Variants in PPIL6 observed in about 807,000 individuals in gnomAD.
PPIL6 encodes the protein probable inactive peptidyl-prolyl cis-trans isomerase-like 6.
PPIL6 carries 39 observed loss-of-function variants against 36.8 expected under a neutral mutation model. That is an observed-to-expected ratio of 1.06 (90% CI 0.82 to 1.38). PPIL6 has a LOEUF of 1.38. Ranked by LOEUF, PPIL6 falls within the 40% of genes most tolerant of loss-of-function variation. The pLI, the probability that PPIL6 is intolerant of heterozygous loss-of-function variation, is 0.00. For missense variants in PPIL6, 368 were observed against 379.1 expected (o/e 0.97, Z 0.24); for synonymous variants, 123 against 134.1 (o/e 0.92, Z 0.57).
At position 109,419,209 on chromosome 6, in the gene PPIL6, C is replaced by T. The variant is rs373518923; in HGVS notation, c.666G>A (p.Ser222=). Reference sequence around the variant, plus strand: ...TACCTTCAAATGTTGGACCATAAATCGACTCTCCATTATCTCCTTTTCCAT... The same window carrying T: ...TACCTTCAAATGTTGGACCATAAATTGACTCTCCATTATCTCCTTTTCCAT... The part of the protein sequence containing the change: ...IVYGKGDNGE[S]IYGPTFEDEN... The change falls in exon 6 of 8, where the codon TCG becomes TCA. Residue 222 remains serine, a synonymous_variant. Transcript: ENST00000521072. 1.0e-5 allele frequency: 16 copies of T among 1,566,092 alleles called. No individual in the cohort carries two copies. Among genetic ancestry groups the T allele is most frequent in the Admixed American group, 1.0e-4 (6 of 59,776 alleles).
intron 6 of PPIL6, among the ~76,000 whole-genome samples, chr6:109,416,194 T>C (rs779656654): frequency 3.5e-5 from 5 of 144,132 alleles, no homozygotes; most frequent in African/African-American, 1.3e-4. Context: ...TAAATGTCTT[T>C]TGTGGCTTTT....
intron 7 of PPIL6, among the ~76,000 whole-genome samples, chr6:109,396,021 G>C (rs1273660492): frequency 6.6e-6 from 1 of 151,756 alleles, no homozygotes; most frequent in Non-Finnish European, 1.5e-5. Flanking sequence ...TTTTTTAGTA[G>C]AGATGAGGTT....
intron 1 of PPIL6, among the ~76,000 whole-genome samples, chr6:109,439,047 G>A (rs892201692): frequency 2.0e-5 from 3 of 152,150 alleles, no homozygotes; most frequent in African/African-American, 7.2e-5. Flanking sequence ...AAACAGGTGT[G>A]ACTGAGACCC....
intron 7 of PPIL6, among the ~76,000 whole-genome samples, chr6:109,393,380 G>A (rs1336876391): frequency 6.6e-6 from 1 of 151,902 alleles, no homozygotes; most frequent in African/African-American, 2.4e-5. Flanking sequence ...CACTAGGCCT[G>A]GCCAATATTT....
chr6:109,432,342 T>C (rs1397966945), intron 2 of PPIL6, among the ~76,000 whole-genome samples: 1 of 152,086 alleles, frequency 6.6e-6, no homozygotes, highest in East Asian at 1.9e-4. Flanking sequence ...CCCCTCAAAA[T>C]GCAGTGTGTT....
intron 6 of PPIL6, among the ~76,000 whole-genome samples, chr6:109,402,316 G>A (rs1478272941): frequency 6.6e-6 from 1 of 152,108 alleles, no homozygotes; most frequent in East Asian, 1.9e-4. Context: ...TGGGTGGGTC[G>A]CTTGAGGCCA....
At chr6:109,440,292 C>CG (rs1774746080) in intron 1 of PPIL6, 164 bp downstream of exon 1, 1 of 877,300 alleles carries the variant, frequency 1.1e-6, no homozygotes, top group African/African-American at 1.7e-5. Flanking sequence ...ACTCTCCTCC[C>CG]GGTCCTCCAG....
At chr6:109,440,247 A>T (rs1334095610) in intron 1 of PPIL6, 1 of 667,362 alleles carries the variant, frequency 1.5e-6, no homozygotes, top group Non-Finnish European at 2.7e-6. Flanking sequence ...CGCCAAGTGG[A>T]ACGCCCGCCC....
rs79224538 is a variant in PPIL6 at position 109,392,967 on chromosome 6, G to A, written c.825-30C>T. Reference sequence around the variant, plus strand: ...ATAGGAGAAAAAAATGGAAAATTTAGTCAGTCATAAGTTTTCATATTTAGC... The same window carrying A: ...ATAGGAGAAAAAAATGGAAAATTTAATCAGTCATAAGTTTTCATATTTAGC... On this transcript the variant is annotated intron_variant, in intron 7 of 7. Transcript: ENST00000521072. 2.8e-4 allele frequency: 378 copies of A among 1,338,984 alleles called. 2 individuals carry two copies. In the African/African-American group the frequency reaches 3.4e-3, roughly 12 times the overall value. 82.9% of individuals were successfully genotyped at this position (1,338,984 alleles called of 1,614,324 possible). A position where few individuals can be genotyped will look rare whatever the true frequency, so the allele number is the denominator to read the frequency against.
upstream of PPIL6, chr6:109,440,721 T>G (rs1582620279): frequency 1.6e-6 from 1 of 610,396 alleles, no homozygotes; most frequent in East Asian, 6.0e-5. Context: ...CGGCTGGGCC[T>G]TTCCTCAACT....
intron 6 of PPIL6, among the ~76,000 whole-genome samples, chr6:109,401,019 C>A (rs1053322195): frequency 1.3e-5 from 2 of 148,642 alleles, no homozygotes; most frequent in African/African-American, 5.1e-5. Context: ...GCCACCATGC[C>A]CGGCTAATTT....
intron 7 of PPIL6, among the ~76,000 whole-genome samples, chr6:109,394,433 G>A (rs1296100260): frequency 3.3e-5 from 5 of 150,180 alleles, no homozygotes; most frequent in African/African-American, 1.2e-4. Context: ...TGCTGGCCAT[G>A]AGCTAGAACT....
intron 6 of PPIL6, among the ~76,000 whole-genome samples, 171 bp from the exon 7 acceptor site, chr6:109,400,341 G>A (rs968948917): frequency 2.6e-5 from 4 of 151,966 alleles, no homozygotes; most frequent in Admixed American, 2.0e-4. Context: ...ATGCAAATGG[G>A]CTGTTTAAAA....
At chr6:109,400,670 A>T (rs1215726750) in intron 6 of PPIL6, among the ~76,000 whole-genome samples, 1 of 152,116 alleles carries the variant, frequency 6.6e-6, no homozygotes, top group Non-Finnish European at 1.5e-5. Context: ...TTTCTTCTCT[A>T]GTAGGTGAAG....
At chr6:109,429,938 C>T in intron 3 of PPIL6, among the ~76,000 whole-genome samples, 1 of 152,206 alleles carries the variant, frequency 6.6e-6, no homozygotes, top group East Asian at 1.9e-4. Flanking sequence ...AGCTTCTTTC[C>T]CCACAAATTC....
chr6:109,399,140 C>T (rs1772421063), intron 7 of PPIL6, among the ~76,000 whole-genome samples: 1 of 151,880 alleles, frequency 6.6e-6, no homozygotes, highest in Non-Finnish European at 1.5e-5. Flanking sequence ...CAGAGTCTTG[C>T]TCTGTCGCCC....
At chr6:109,411,481 G>A (rs1045478453) in intron 6 of PPIL6, among the ~76,000 whole-genome samples, 7 of 152,312 alleles carry the variant, frequency 4.6e-5, no homozygotes, top group African/African-American at 1.7e-4. Context: ...CTCTAGGCAA[G>A]TTGAGATTAA....
intron 5 of PPIL6, among the ~76,000 whole-genome samples, chr6:109,422,673 T>C (rs529202741): frequency 6.6e-6 from 1 of 152,254 alleles, no homozygotes; most frequent in South Asian, 2.1e-4. Flanking sequence ...ATGGACCTTA[T>C]GAACATAAAA....
chr6:109,413,266 A>G lies in PPIL6; in HGVS notation c.688+5921T>C, dbSNP rs1174440070. On this transcript the variant is annotated intron_variant, in intron 6 of 7. Coordinates refer to ENST00000521072, the MANE Select transcript of PPIL6 (RefSeq NM_173672.5). This position sits in a 1 kb window ranked among gnomAD's most constrained non-coding sequence, Gnocchi z 4.6. ...TAAGGAGCTCAAACAACTCTACAGG[A>G]AAAAACCTAATAATCAGATTATAAA... Among the ~76,000 whole-genome samples, 1 of 152,212 alleles carries G rather than the reference A, an allele frequency of 6.6e-6. No individual in the cohort carries two copies. Among genetic ancestry groups the G allele is most frequent in the Non-Finnish European group, 1.5e-5 (1 of 68,030 alleles).
Sources: gnomAD v4.1 joint callset for allele counts (sites outside exome capture counted in the v4.1 genomes callset) on GRCh38, gnomAD v4.1.1 for gene constraint, Gnocchi (gnomAD v3.1) non-coding constraint, MANE v1.5 for transcripts, NCBI Gene and HGNC (gene_info 2026-07-23, HGNC 2026-07-21) for gene names.